BEND2: variants seen among roughly 807,000 people sequenced by gnomAD.
BEND2 encodes the protein BEN domain containing 2, also known as BEN domain-containing protein 2.
Under a neutral mutation model 43.8 loss-of-function variants are expected in BEND2, and 19 were observed. The ratio of observed to expected loss-of-function variants is 0.43; its 90% confidence interval spans 0.30 to 0.64. The LOEUF is 0.64. Ranked by LOEUF, BEND2 falls within the 30% of genes least tolerant of loss-of-function variation. The pLI is 0.11. For synonymous variants in BEND2, 226 were observed against 210.1 expected, an observed-to-expected ratio of 1.08 and a Z score of -0.66; for missense variants, 544 against 574.0, an observed-to-expected ratio of 0.95 and a Z score of 0.53.
At chrX:18,203,109 G>T (rs1260437606) in intron 5 of BEND2, among the ~76,000 whole-genome samples, 1 of 111,666 alleles carries the variant, frequency 9.0e-6, no homozygotes, top group African/African-American at 3.3e-5. Context: ...ACTTGCCAAA[G>T]GTTAGGAATA....
chrX:18,166,249 C>T (rs149313557), intron 13 of BEND2, among the ~76,000 whole-genome samples: 77 of 112,002 alleles, frequency 6.9e-4, no homozygotes, highest in East Asian at 8.4e-4. Context: ...ACAAATACAG[C>T]GCTTGCATAG....
rs1359007144 is a variant in BEND2 at position 18,216,696 on chromosome X, G to A, written c.63C>T (p.Asn21=). 8.3e-7 allele frequency: 1 copy of A among 1,209,588 alleles called. No individual in the cohort carries two copies. Among genetic ancestry groups the A allele is most frequent in the East Asian group, 3.0e-5 (1 of 33,851 alleles). The change falls in exon 2 of 14, where the codon AAC becomes AAT. Residue 21 remains asparagine, a synonymous_variant. Coordinates refer to ENST00000380033, the MANE Select transcript of BEND2 (RefSeq NM_153346.5). ...CCACCATCTCAATACTGCAATCATTGTTATCATCACTGTCGTCGACAGTTA... is the reference window on the plus strand; with the variant it reads ...CCACCATCTCAATACTGCAATCATTATTATCATCACTGTCGTCGACAGTTA... ...VIITVDDSDD[N]NDCSIEMVEV... is the part of the protein sequence containing the mutation.
intron 7 of BEND2, among the ~76,000 whole-genome samples, chrX:18,191,493 T>G (rs1924768947): frequency 8.9e-6 from 1 of 111,999 alleles, no homozygotes; most frequent in Non-Finnish European, 1.9e-5. Context: ...ACCATTACCA[T>G]AGGACCCAGC....
Position 18,201,716 on chromosome X carries a change from C to A in BEND2, c.1033+99G>T, listed in dbSNP as rs776929895. Reference sequence around the variant, plus strand: ...CCATGTTGGTCAGGCTGGTCTCAAACTTCTGATGTCAGGTGATGCACCCGC... The same window carrying A: ...CCATGTTGGTCAGGCTGGTCTCAAAATTCTGATGTCAGGTGATGCACCCGC... On this transcript the variant is annotated intron_variant, in intron 6 of 13. Coordinates refer to ENST00000380033, the MANE Select transcript of BEND2 (RefSeq NM_153346.5). The A allele has an allele frequency of 8.3e-6, 8 of 969,291 alleles. No homozygotes were observed. The African/African-American group carries it at 1.2e-4, about 15-fold the overall frequency. The allele number at this position is 969,291 out of a possible 1,213,427, so 79.9% of individuals were successfully genotyped here.
intron 1 of BEND2, among the ~76,000 whole-genome samples, chrX:18,219,765 G>A (rs1287854016): frequency 2.7e-5 from 3 of 111,267 alleles, no homozygotes; most frequent in Non-Finnish European, 5.7e-5. Flanking sequence ...AATTAGCCGG[G>A]CGTGGTGGTG....
At chrX:18,207,209 C>T (rs1218927695) in intron 4 of BEND2, among the ~76,000 whole-genome samples, 3 of 112,173 alleles carry the variant, frequency 2.7e-5, no homozygotes, top group Admixed American at 1.9e-4. Context: ...TCATGATAAA[C>T]GCCCAAACAA....
intron 10 of BEND2, among the ~76,000 whole-genome samples, chrX:18,176,367 T>C (rs1230267211): frequency 6.4e-5 from 2 of 31,396 alleles, no homozygotes; most frequent in Non-Finnish European, 1.3e-4. Context: ...CTCTTGGTGC[T>C]CAAAAAAAAA....
intron 8 of BEND2, among the ~76,000 whole-genome samples, chrX:18,180,919 C>T (rs1403754113): frequency 9.1e-6 from 1 of 110,197 alleles, no homozygotes; most frequent in Non-Finnish European, 1.9e-5. Context: ...GAATTACACG[C>T]ACCCACCACC....
At chrX:18,178,481 T>C (rs73454364) in intron 9 of BEND2, among the ~76,000 whole-genome samples, 63 of 112,340 alleles carry the variant, frequency 5.6e-4, no homozygotes, top group African/African-American at 2.0e-3. Context: ...ATGAATCTTC[T>C]ACTAATATCT....
intron 9 of BEND2, 71 bp from the exon 10 acceptor site, chrX:18,177,840 G>T (rs766006032): frequency 1.1e-5 from 9 of 837,988 alleles, no homozygotes; most frequent in Non-Finnish European, 1.6e-5. Context: ...GTACACAAGA[G>T]AATTACACTG....
intron 11 of BEND2, 113 bp downstream of exon 11, chrX:18,175,859 T>G: frequency 1.4e-6 from 1 of 718,241 alleles, no homozygotes; most frequent in Non-Finnish European, 1.9e-6. Context: ...CCTAAGTTAA[T>G]GAGAATTTTA....
chrX:18,183,273 G>C (rs1465703099), intron 8 of BEND2, among the ~76,000 whole-genome samples: 1 of 110,459 alleles, frequency 9.1e-6, no homozygotes, highest in African/African-American at 3.3e-5. Context: ...AAATCATATA[G>C]AGTATATTTT....
At chrX:18,171,633 C>A (rs1204543598) in intron 12 of BEND2, among the ~76,000 whole-genome samples, 1 of 111,717 alleles carries the variant, frequency 9.0e-6, no homozygotes, top group Non-Finnish European at 1.9e-5. Context: ...TATAAGCCAT[C>A]GTGCCCAGCC....
chrX:18,217,508 T>G, intron 1 of BEND2, among the ~76,000 whole-genome samples: 1 of 111,794 alleles, frequency 8.9e-6, no homozygotes. Flanking sequence ...AAAATGGTAC[T>G]AAATTAGGAA....
In BEND2 at chrX:18,180,527, C is replaced by T; in HGVS notation, c.1412G>A (p.Cys471Tyr). 1 of 1,207,008 alleles carries T rather than the reference C, an allele frequency of 8.3e-7. No homozygotes were observed. Among genetic ancestry groups the T allele is most frequent in the Non-Finnish European group, 1.1e-6 (1 of 891,289 alleles). Residue 471 changes from cysteine (C) to tyrosine (Y), a missense_variant, in exon 9 of 14, where the codon TGT becomes TAT. By Grantham distance (194) the Cys-to-Tyr change is radical. This residue lies in a region of BEND2 where 501 missense variants were observed against 501.6 expected (regional missense o/e 1.00). Transcript: ENST00000380033. ...AAACTCACCATACTTGGGAGGGATA[C>T]AGACAGATGATGAGGAAGAATCCTG... ...SGQDSSSSSV[C>Y]IPPKYGYLGD...
At chrX:18,188,883 C>A (rs1924659553) in intron 8 of BEND2, among the ~76,000 whole-genome samples, 1 of 111,953 alleles carries the variant, frequency 8.9e-6, no homozygotes, top group African/African-American at 3.2e-5. Flanking sequence ...CAACAAAATA[C>A]TAGGAAATAG....
At chrX:18,184,631 C>T (rs1924510058) in intron 8 of BEND2, among the ~76,000 whole-genome samples, 1 of 112,094 alleles carries the variant, frequency 8.9e-6, no homozygotes, top group Non-Finnish European at 1.9e-5. Flanking sequence ...CTTCAGTGAC[C>T]AGAAACTTAG....
intron 8 of BEND2, among the ~76,000 whole-genome samples, chrX:18,190,216 C>T (rs752874978): frequency 6.3e-5 from 7 of 111,631 alleles, no homozygotes; most frequent in Non-Finnish European, 1.3e-4. Context: ...CAGTTAATTG[C>T]ACTCTTCGGC....
intron 8 of BEND2, among the ~76,000 whole-genome samples, chrX:18,180,952 TTTAA>T (rs757016018): frequency 1.4e-4 from 16 of 110,609 alleles, no homozygotes; most frequent in Non-Finnish European, 2.8e-4. Context: ...TTTTTCTATT[TTTAA>T]TAGACATGGG....
Sources: gnomAD v4.1 joint callset for allele counts (sites outside exome capture counted in the v4.1 genomes callset) on GRCh38, gnomAD v4.1.1 for gene constraint, gnomAD v4.1.1 regional missense constraint, MANE v1.5 for transcripts, NCBI Gene and HGNC (gene_info 2026-07-23, HGNC 2026-07-21) for gene names.